AK4: variants seen among roughly 807,000 people sequenced by gnomAD.
AK4 encodes adenylate kinase 4, mitochondrial.
AK4 carries 13 observed loss-of-function variants against 24.6 expected under a neutral mutation model. The observed-to-expected ratio is 0.53, with a 90% CI of 0.34 to 0.84. The LOEUF (loss-of-function observed/expected upper bound fraction) is 0.84. AK4 is among the 40% of genes least tolerant of loss of function. AK4 has a pLI of 0.01. For synonymous variants in AK4, 88 were observed against 107.0 expected (o/e 0.82, Z 1.10); for missense variants, 192 against 288.2 (o/e 0.67, Z 2.42).
intron 1 of AK4, among the ~76,000 whole-genome samples, chr1:65,164,855 G>C (rs748495458): frequency 1.5e-4 from 23 of 152,186 alleles, no homozygotes; most frequent in Admixed American, 2.6e-4. Context: ...ACATGGGACT[G>C]ACATCTGACT....
chr1:65,149,805 G>T (rs1570050982), intron 1 of AK4, among the ~76,000 whole-genome samples: 1 of 152,316 alleles, frequency 6.6e-6, no homozygotes, highest in South Asian at 2.1e-4. Flanking sequence ...ATGTGTACCA[G>T]ATTGCACTTG....
At chr1:65,174,722 T>C (rs1650654490) in intron 1 of AK4, among the ~76,000 whole-genome samples, 1 of 152,186 alleles carries the variant, frequency 6.6e-6, no homozygotes, top group Non-Finnish European at 1.5e-5. Flanking sequence ...GGGAGCTACT[T>C]GCTGTAGGGC....
Position 65,224,746 on chromosome 1 carries a change from T to C in AK4, c.439-6T>C. On this transcript the variant is annotated splice_polypyrimidine_tract_variant and splice_region_variant and intron_variant, in intron 3 of 4. Transcript: ENST00000327299. ...CTATATTAATTGGTTTATTTGGTAT[T>C]TGTAGGGTATTGATGACGTCACTGG... 1 of 1,608,986 alleles carries C rather than the reference T, an allele frequency of 6.2e-7. No homozygotes were observed. The highest frequency in any genetic ancestry group is 8.5e-7 in the Non-Finnish European group (1 of 1,176,882).
chr1:65,184,505 C>A (rs1239769417), intron 1 of AK4, among the ~76,000 whole-genome samples: 1 of 152,100 alleles, frequency 6.6e-6, no homozygotes, highest in African/African-American at 2.4e-5. Flanking sequence ...TTATTTGAAA[C>A]CTTCCTAGTG....
Position 65,228,523 on chromosome 1 carries a change from G to A in AK4, c.*2346G>A, listed in dbSNP as rs908641100. The A allele has an allele frequency of 1.3e-5, 2 of 152,022 alleles. No homozygotes were observed. The highest frequency in any genetic ancestry group is 2.9e-5 in the Non-Finnish European group (2 of 68,006). 9.4% of individuals were successfully genotyped at this position (152,022 alleles called of 1,614,324 possible). On this transcript the variant is annotated 3_prime_UTR_variant, in exon 5 of 5. Transcript: ENST00000327299. ...TGGTCTCACCTCCCTCGCTAGTTGA[G>A]ACCAAAAAGAGACAAATAACTTTTT...
rs1414247526 is a variant in AK4 at position 65,226,651 on chromosome 1, G to A, written c.*474G>A. ...TCTGGTGTGTGCCCTCCTGGTAACA[G>A]TGAAATTGAAGCTACTTACTCATAG... On this transcript the variant is annotated 3_prime_UTR_variant, in exon 5 of 5. Coordinates refer to ENST00000327299, the MANE Select transcript of AK4 (RefSeq NM_013410.4). 6.5e-6 allele frequency: 1 copy of A among 153,296 alleles called. No homozygotes were observed. The highest frequency in any genetic ancestry group is 2.0e-4 in the East Asian group (1 of 5,128). 9.5% of individuals were successfully genotyped at this position (153,296 alleles called of 1,614,324 possible). A position where few individuals can be genotyped will look rare whatever the true frequency, so the allele number is the denominator to read the frequency against.
chr1:65,186,308 T>C (rs1213522580), intron 1 of AK4, among the ~76,000 whole-genome samples: 1 of 152,002 alleles, frequency 6.6e-6, no homozygotes, highest in Non-Finnish European at 1.5e-5. Context: ...GCTAATTTTT[T>C]TGTATTTTTA....
chr1:65,154,289 A>G (rs1649897896), intron 1 of AK4, among the ~76,000 whole-genome samples: 1 of 152,186 alleles, frequency 6.6e-6, no homozygotes, highest in Non-Finnish European at 1.5e-5. Flanking sequence ...TCTACAATGA[A>G]TCCTAGGGTT....
intron 4 of AK4, 102 bp downstream of exon 4, chr1:65,224,972 C>CAGATAA (rs140087070): frequency 0.014 from 11,847 of 823,540 alleles, 541 homozygotes; most frequent in East Asian, 0.14. Context: ...TTCTTTAAGA[C>CAGATAA]AGATAAACAC....
intron 1 of AK4, among the ~76,000 whole-genome samples, chr1:65,180,058 G>A (rs1030327021): frequency 5.9e-5 from 9 of 152,158 alleles, no homozygotes; most frequent in South Asian, 4.1e-4. Flanking sequence ...AAAGACATAC[G>A]TGACAAAAGT....
intron 1 of AK4, among the ~76,000 whole-genome samples, chr1:65,173,549 T>G (rs1650611456): frequency 6.6e-6 from 1 of 152,156 alleles, no homozygotes; most frequent in African/African-American, 2.4e-5. Context: ...TCTGTATGAC[T>G]TCATCCCATG....
Position 65,229,525 on chromosome 1 carries a change from C to T in AK4, c.*3348C>T, listed in dbSNP as rs895662445. On this transcript the variant is annotated 3_prime_UTR_variant, in exon 5 of 5. Coordinates refer to ENST00000327299, the MANE Select transcript of AK4 (RefSeq NM_013410.4). ...CCCAAGCCTGGGCGACACAGCGAGACCCTCTCTCTTAAAAAAAAAAAATAG... is the reference window on the plus strand; with the variant it reads ...CCCAAGCCTGGGCGACACAGCGAGATCCTCTCTCTTAAAAAAAAAAAATAG... The T allele has an allele frequency of 6.6e-6, 1 of 151,444 alleles. No individual in the cohort carries two copies. Among genetic ancestry groups the T allele is most frequent in the Non-Finnish European group, 1.5e-5 (1 of 67,936 alleles). 9.4% of individuals were successfully genotyped at this position (151,444 alleles called of 1,614,324 possible).
intron 1 of AK4, among the ~76,000 whole-genome samples, chr1:65,172,078 TATATATATATATATATATATATATA>T (rs2101010808): frequency 1.1e-5 from 1 of 94,848 alleles, no homozygotes; most frequent in East Asian, 2.4e-4. Flanking sequence ...TATATATATA[TATATATATATATATATATATATATA>T]TTTAAACTCA....
intron 2 of AK4, among the ~76,000 whole-genome samples, chr1:65,208,053 G>T (rs993652497): frequency 6.6e-6 from 1 of 152,100 alleles, no homozygotes; most frequent in Non-Finnish European, 1.5e-5. Context: ...TTTCCTTTGG[G>T]TGTATACCCA....
chr1:65,208,173 C>A (rs1401008139), intron 2 of AK4, among the ~76,000 whole-genome samples: 1 of 152,184 alleles, frequency 6.6e-6, no homozygotes, highest in Non-Finnish European at 1.5e-5. Context: ...GTTCCTGTTT[C>A]TCTGCAACCT....
At chr1:65,176,719 G>A (rs186188366) in intron 1 of AK4, among the ~76,000 whole-genome samples, 1 of 152,164 alleles carries the variant, frequency 6.6e-6, no homozygotes, top group Non-Finnish European at 1.5e-5. Flanking sequence ...TTGCAGATGA[G>A]GAAACTTGAG....
intron 1 of AK4, among the ~76,000 whole-genome samples, chr1:65,157,692 G>A (rs989261455): frequency 3.3e-5 from 5 of 152,130 alleles, no homozygotes; most frequent in African/African-American, 1.2e-4. Flanking sequence ...GGGAGGTTGA[G>A]GTGGGAGGAT....
In AK4 at chr1:65,226,046, TG is replaced by T. The variant is rs756777375; in HGVS notation, c.558-14del. ...AGAAACCTAAAAAGCCATTGTATGT[TG>T]GGCTTTGTTTTTCAGGAGCCGAGGA... On this transcript the variant is annotated splice_polypyrimidine_tract_variant and intron_variant, in intron 4 of 4. Coordinates refer to ENST00000327299, the MANE Select transcript of AK4 (RefSeq NM_013410.4). 10 of 1,611,494 alleles carry T rather than the reference TG, an allele frequency of 6.2e-6. No individual in the cohort carries two copies. The Admixed American group carries it at 1.7e-4, about 27-fold the overall frequency.
intron 2 of AK4, among the ~76,000 whole-genome samples, chr1:65,208,833 C>T (rs1651889124): frequency 2.0e-5 from 3 of 152,218 alleles, no homozygotes; most frequent in Non-Finnish European, 2.9e-5. Flanking sequence ...ACCACTGCCT[C>T]AGCTTGTTGC....
Sources: allele counts gnomAD v4.1 joint callset (sites outside exome capture counted in the v4.1 genomes callset), GRCh38; gene constraint gnomAD v4.1.1; transcripts MANE v1.5; gene names NCBI Gene and HGNC (gene_info 2026-07-23, HGNC 2026-07-21).